FRMD3: variants seen among roughly 807,000 people sequenced by gnomAD.
The protein encoded by FRMD3 is FERM domain-containing protein 3.
A neutral mutation model predicts 70.2 loss-of-function variants in FRMD3; 33 were observed. The observed-to-expected ratio is 0.47, with a 90% confidence interval of 0.36 to 0.63. FRMD3 has a LOEUF of 0.63. Among genes scored for constraint, FRMD3 ranks in the 20% least tolerant of loss-of-function variants. The probability of loss-of-function intolerance (pLI) is 0.00; values close to 1 mark genes in which losing one functional copy is unlikely to be tolerated. For missense variants in FRMD3, 632 were observed against 711.4 expected (o/e 0.89, Z 1.27); for synonymous variants, 279 against 255.9 (o/e 1.09, Z -0.86).
intron 1 of FRMD3, among the ~76,000 whole-genome samples, chr9:83,529,497 T>C (rs1292793975): frequency 6.6e-6 from 1 of 152,212 alleles, no homozygotes; most frequent in Non-Finnish European, 1.5e-5. Flanking sequence ...GCAAACTATG[T>C]ATCAATTTTA....
chr9:83,387,792 G>GT (rs1209778811), intron 2 of FRMD3, among the ~76,000 whole-genome samples: 1 of 152,102 alleles, frequency 6.6e-6, no homozygotes, highest in African/African-American at 2.4e-5. Flanking sequence ...TTATATCATG[G>GT]TCCCCAGACC....
At chr9:83,444,686 T>G (rs1400548426) in intron 1 of FRMD3, among the ~76,000 whole-genome samples, 1 of 152,170 alleles carries the variant, frequency 6.6e-6, no homozygotes, top group African/African-American at 2.4e-5. Flanking sequence ...AGCAAGAACC[T>G]GAAAAGCAAC....
chr9:83,552,611 T>C, the FRMD3 span, among the ~76,000 whole-genome samples: 1 of 152,200 alleles, frequency 6.6e-6, no homozygotes, highest in Non-Finnish European at 1.5e-5. Context: ...TGTATCTTTG[T>C]AGGTTTCTAT....
intron 1 of FRMD3, among the ~76,000 whole-genome samples, chr9:83,495,292 T>C (rs1828919252): frequency 1.3e-5 from 2 of 152,072 alleles, no homozygotes; most frequent in Admixed American, 1.3e-4. Flanking sequence ...GCCATCTGTG[T>C]CCAAAACTGC....
chr9:83,322,287 A>T (rs1359194722), intron 6 of FRMD3, among the ~76,000 whole-genome samples: 2 of 152,092 alleles, frequency 1.3e-5, no homozygotes. Flanking sequence ...AAACAGTCCA[A>T]GGTCAAATGG....
chr9:83,523,386 A>C (rs1829622620), intron 1 of FRMD3, among the ~76,000 whole-genome samples: 1 of 152,200 alleles, frequency 6.6e-6, no homozygotes, highest in African/African-American at 2.4e-5. Context: ...TTCAGACTAG[A>C]ATCTCACAAT....
intron 12 of FRMD3, among the ~76,000 whole-genome samples, chr9:83,294,689 C>T (rs1017786647): frequency 3.9e-5 from 6 of 152,254 alleles, no homozygotes; most frequent in African/African-American, 7.2e-5. Flanking sequence ...TGACTAAAGA[C>T]GCTTATATGG....
chr9:83,412,678 G>A (rs1217603711), intron 1 of FRMD3, among the ~76,000 whole-genome samples: 1 of 152,180 alleles, frequency 6.6e-6, no homozygotes, highest in East Asian at 1.9e-4. Context: ...TTGACTAAAG[G>A]ATGCTTTAAA....
chr9:83,311,245 G>A (rs1835339761), intron 8 of FRMD3, among the ~76,000 whole-genome samples: 1 of 149,864 alleles, frequency 6.7e-6, no homozygotes, highest in Non-Finnish European at 1.5e-5. Flanking sequence ...CATCTCAGGA[G>A]CAGGAGCCTC....
At chr9:83,389,767 AG>A (rs1193615366) in intron 1 of FRMD3, 59 bp from the exon 2 acceptor site, 1 of 1,216,350 alleles carries the variant, frequency 8.2e-7, no homozygotes, top group East Asian at 2.3e-5. Flanking sequence ...TCACGTCCTC[AG>A]GGAGCCTTGT....
At chr9:83,282,345 T>C (rs1050010704) in intron 13 of FRMD3, among the ~76,000 whole-genome samples, 2 of 152,200 alleles carry the variant, frequency 1.3e-5, no homozygotes, top group African/African-American at 4.8e-5. Context: ...TAGGTACTTT[T>C]ATCATCGTCT....
intron 1 of FRMD3, among the ~76,000 whole-genome samples, chr9:83,413,969 G>C (rs1436731922): frequency 6.6e-6 from 1 of 152,194 alleles, no homozygotes; most frequent in Non-Finnish European, 1.5e-5. Flanking sequence ...GCAGGAACCA[G>C]CCGGGAGACC....
At chr9:83,328,645 T>C (rs1419043989) in intron 6 of FRMD3, among the ~76,000 whole-genome samples, 1 of 152,184 alleles carries the variant, frequency 6.6e-6, no homozygotes, top group African/African-American at 2.4e-5. Flanking sequence ...TTTCAAACCA[T>C]GAGGTCATAG....
In FRMD3 at chr9:83,319,819, T is replaced by C. The variant is rs1223948771; in HGVS notation, c.597-6072A>G. On this transcript the variant is annotated intron_variant, in intron 6 of 13. Transcript: ENST00000304195. ...CTCTCTCTTTGCCTGCTGCCATCCA[T>C]GTAAGATGTGACTTGCTCCTCCTTG... Among the ~76,000 whole-genome samples the C allele has an allele frequency of 3.3e-5, 5 of 152,214 alleles. No homozygotes were observed. In the East Asian group the frequency reaches 9.6e-4, roughly 29 times the overall value.
In FRMD3 at chr9:83,420,914, A is replaced by G. The variant is rs943279911; in HGVS notation, c.148-31206T>C. Among the ~76,000 whole-genome samples, 10 of 148,944 alleles carry G rather than the reference A, an allele frequency of 6.7e-5. No homozygotes were observed. The East Asian group carries it at 2.0e-3, about 29-fold the overall frequency. ...ATGCTTCCTGTACAGCCTACAGACC[A>G]TGAGCCATCTTTTTTCTTTCTTCTT... On this transcript the variant is annotated intron_variant, in intron 1 of 13. Coordinates refer to ENST00000304195, the MANE Select transcript of FRMD3 (RefSeq NM_174938.6).
intron 1 of FRMD3, among the ~76,000 whole-genome samples, chr9:83,409,020 C>A (rs1163502742): frequency 6.6e-6 from 1 of 152,124 alleles, no homozygotes; most frequent in Non-Finnish European, 1.5e-5. Context: ...AAGAATGCTG[C>A]GATAAATTAC....
chr9:83,488,732 T>C (rs1277141348), intron 1 of FRMD3, among the ~76,000 whole-genome samples: 1 of 152,176 alleles, frequency 6.6e-6, no homozygotes, highest in Non-Finnish European at 1.5e-5. Flanking sequence ...TTGACAAATC[T>C]CCTTCCAAGT....
At chr9:83,573,755 T>G in the FRMD3 span, among the ~76,000 whole-genome samples, 24 of 151,968 alleles carry the variant, frequency 1.6e-4, no homozygotes, top group Non-Finnish European at 2.8e-4. Context: ...TCTCTCTCTC[T>G]CTCTCTCTCT....
intron 1 of FRMD3, among the ~76,000 whole-genome samples, chr9:83,476,724 C>A (rs78976310): frequency 1.3e-5 from 2 of 152,090 alleles, no homozygotes; most frequent in African/African-American, 4.8e-5. Context: ...GTTCCCACAG[C>A]CAGAGTGAGC....
Sources: gnomAD v4.1 joint callset for allele counts (sites outside exome capture counted in the v4.1 genomes callset) on GRCh38, gnomAD v4.1.1 for gene constraint, MANE v1.5 for transcripts, NCBI Gene and HGNC (gene_info 2026-07-23, HGNC 2026-07-21) for gene names.